PCDH17: variants seen among roughly 807,000 people sequenced by gnomAD.
PCDH17 encodes the protein protocadherin 17.
A neutral mutation model predicts 67.7 loss-of-function variants in PCDH17; 21 were observed. The ratio of observed to expected loss-of-function variants is 0.31; its 90% CI spans 0.22 to 0.45. The LOEUF (loss-of-function observed/expected upper bound fraction) is 0.45, where lower values mean the gene tolerates loss of function less well. PCDH17 is among the 20% of genes least tolerant of loss of function. The pLI, the probability that PCDH17 is intolerant of heterozygous loss-of-function variation, is 1.00. For missense variants in PCDH17, 1,471 were observed against 1,564.8 expected, an observed-to-expected ratio of 0.94 and a Z score of 1.01; for synonymous variants, 701 against 656.7, an observed-to-expected ratio of 1.07 and a Z score of -1.03.
In PCDH17 at chr13:57,633,368, C is replaced by A. The variant is rs1233223045; in HGVS notation, c.822C>A (p.Pro274=). ...ACGCCACCGACGCCGATGAAGGTCC[C>A]AATGGTGAAGTGCTCTACTCTTTCA... is the stretch of plus-strand genomic sequence containing the variant. ...DLNATDADEG[P]NGEVLYSFSS... The change falls in exon 1 of 4, where the codon CCC becomes CCA. Residue 274 remains proline (P), a synonymous_variant. Transcript: ENST00000377918. The surrounding 1 kb of genome is among the most constrained non-coding windows in gnomAD (Gnocchi z 6.2). 6.2e-7 allele frequency: 1 copy of A among 1,613,296 alleles called. No homozygotes were observed. The highest frequency in any genetic ancestry group is 1.7e-5 in the Admixed American group (1 of 60,018).
chr13:57,696,985 T>A (rs1161505121), intron 3 of PCDH17, among the ~76,000 whole-genome samples: 1 of 151,518 alleles, frequency 6.6e-6, no homozygotes, highest in Non-Finnish European at 1.5e-5. Context: ...AATTCTTAAT[T>A]TTTTTTGTAT....
chr13:57,665,173 G>GA (rs35604384), intron 1 of PCDH17, among the ~76,000 whole-genome samples: 1 of 88,434 alleles, frequency 1.1e-5, no homozygotes, highest in Non-Finnish European at 2.1e-5. Flanking sequence ...AGAAATTTGT[G>GA]GGGGGGGTTT....
chr13:57,634,227 G>A lies in PCDH17; in HGVS notation c.1681G>A (p.Ala561Thr). The change falls in exon 1 of 4, where the codon GCG becomes ACG. Residue 561 changes from alanine (A) to threonine (T), a missense_variant. Coordinates refer to ENST00000377918, the MANE Select transcript of PCDH17 (RefSeq NM_001040429.3). This position sits in a 1 kb window ranked among gnomAD's most constrained non-coding sequence, Gnocchi z 7.8. ...GCTTGCTAAGGACTCGGGGGCGCCC[G>A]CGCACTTGGAGAGCAACGCCACGGT... ...KVLAKDSGAP[A>T]HLESNATVRV... The A allele has an allele frequency of 6.2e-7, 1 of 1,613,286 alleles. No homozygotes were observed. The highest frequency in any genetic ancestry group is 1.3e-5 in the African/African-American group (1 of 75,040).
At chr13:57,706,462 CCTGGATTAGTTT>C (rs1348569424) in intron 3 of PCDH17, among the ~76,000 whole-genome samples, 1 of 152,084 alleles carries the variant, frequency 6.6e-6, no homozygotes, top group Non-Finnish European at 1.5e-5. Flanking sequence ...TTTTCAACAG[CCTGGATTAGTTT>C]CCTAGGGCTG....
chr13:57,682,939 C>T (rs1365600534), intron 3 of PCDH17, among the ~76,000 whole-genome samples: 1 of 151,754 alleles, frequency 6.6e-6, no homozygotes, highest in African/African-American at 2.4e-5. Flanking sequence ...GAATTATGTA[C>T]ACTTATCTAA....
In PCDH17 at chr13:57,632,673, C is replaced by T. The variant is rs750317334; in HGVS notation, c.127C>T (p.Arg43Ter). Reference protein sequence around the residue: ...TVIGNIGRDARLQPGLPPAER... With the variant: ...TVIGNIGRDA The stretch of plus-strand genomic sequence containing the variant: ...GATCGGGAACATCGGCAGGGATGCT[C>T]GACTGCAGCCTGGGCTTCCGCCTGC... Residue 43 changes from arginine (R) to a stop codon, truncating the protein, a stop_gained, in exon 1 of 4, where the codon CGA becomes TGA. Coordinates refer to ENST00000377918, the MANE Select transcript of PCDH17 (RefSeq NM_001040429.3). LOFTEE classifies it high-confidence loss of function. 1 of 1,611,726 alleles carries T rather than the reference C, an allele frequency of 6.2e-7. No individual in the cohort carries two copies. The highest frequency in any genetic ancestry group is 2.2e-5 in the East Asian group (1 of 44,840).
intron 3 of PCDH17, among the ~76,000 whole-genome samples, chr13:57,671,587 T>C (rs1041397669): frequency 6.6e-6 from 1 of 152,064 alleles, no homozygotes; most frequent in African/African-American, 2.4e-5. Flanking sequence ...TAACTTTTTC[T>C]TCATGAAAAG....
chr13:57,723,759 T>C (rs139873526), intron 3 of PCDH17, among the ~76,000 whole-genome samples: 1 of 152,322 alleles, frequency 6.6e-6, no homozygotes, highest in African/African-American at 2.4e-5. Context: ...AGGATTTTTT[T>C]TCATATTCCA....
Position 57,634,356 on chromosome 13 carries a change from G to C in PCDH17, c.1810G>C (p.Gly604Arg), listed in dbSNP as rs1337460009. The C allele has an allele frequency of 1.2e-6, 2 of 1,612,594 alleles. No homozygotes were observed. ...ELQVPRNAGLGYLVSTVRALD... is the reference protein window; with the variant it reads ...ELQVPRNAGLRYLVSTVRALD... ...GCAGGTGCCGCGCAACGCTGGCCTG[G>C]GCTATCTGGTGAGCACTGTGCGCGC... Residue 604 changes from glycine to arginine, a missense_variant, in exon 1 of 4, where the codon GGC becomes CGC. This residue lies in a region of PCDH17 where 1,163 missense variants were observed against 1,230.0 expected (regional missense o/e 0.95). Transcript: ENST00000377918. This position sits in a 1 kb window ranked among gnomAD's most constrained non-coding sequence, Gnocchi z 7.8.
chr13:57,632,529 C>G lies in PCDH17; in HGVS notation c.-18C>G, dbSNP rs1954739555. On this transcript the variant is annotated 5_prime_UTR_variant, in exon 1 of 4. Coordinates refer to ENST00000377918, the MANE Select transcript of PCDH17 (RefSeq NM_001040429.3). The stretch of plus-strand genomic sequence containing the variant: ...TCCTCCAGTCCGATTGCTCCTGCCC[C>G]CACCTTACAGGTCTGGGATGTACCT... 6.2e-7 allele frequency: 1 copy of G among 1,608,022 alleles called. No individual in the cohort carries two copies. Among genetic ancestry groups the G allele is most frequent in the Non-Finnish European group, 8.5e-7 (1 of 1,177,028 alleles).
chr13:57,640,491 C>G (rs1954877414), intron 1 of PCDH17, among the ~76,000 whole-genome samples: 1 of 152,028 alleles, frequency 6.6e-6, no homozygotes, highest in Non-Finnish European at 1.5e-5. Context: ...AAAAGTATTT[C>G]TTCTCTAAGG....
chr13:57,706,967 T>C (rs1955726774), intron 3 of PCDH17, among the ~76,000 whole-genome samples: 1 of 152,132 alleles, frequency 6.6e-6, no homozygotes, highest in Non-Finnish European at 1.5e-5. Context: ...ATTAATTTTC[T>C]CAATTTTCAT....
chr13:57,692,131 T>C (rs528209305), intron 3 of PCDH17, among the ~76,000 whole-genome samples: 1 of 151,364 alleles, frequency 6.6e-6, no homozygotes, highest in African/African-American at 2.4e-5. Flanking sequence ...TCATCCTCTA[T>C]TTTCTGGTAT....
chr13:57,695,242 T>C (rs1440619228), intron 3 of PCDH17, among the ~76,000 whole-genome samples: 6 of 151,262 alleles, frequency 4.0e-5, no homozygotes, highest in Non-Finnish European at 8.9e-5. Context: ...TTCAAGTATA[T>C]TGATAATTTA....
chr13:57,705,699 G>T (rs1955714806), intron 3 of PCDH17, among the ~76,000 whole-genome samples: 1 of 152,020 alleles, frequency 6.6e-6, no homozygotes, highest in Admixed American at 6.6e-5. Flanking sequence ...ACTGAAAAGA[G>T]AAGCTTCATC....
At chr13:57,631,236 C>G (rs1954715222), upstream of PCDH17, among the ~76,000 whole-genome samples, 2 of 152,024 alleles carry the variant, frequency 1.3e-5, no homozygotes, top group African/African-American at 4.8e-5. Context: ...GACTGGGAGG[C>G]AGGGCTATTG....
At chr13:57,698,258 CATAG>C (rs1367634606) in intron 3 of PCDH17, among the ~76,000 whole-genome samples, 4 of 151,244 alleles carry the variant, frequency 2.6e-5, no homozygotes, top group African/African-American at 9.7e-5. Context: ...CACACACACA[CATAG>C]AGTTTGTCTT....
At chr13:57,639,051 G>A (rs1954859468) in intron 1 of PCDH17, among the ~76,000 whole-genome samples, 1 of 151,920 alleles carries the variant, frequency 6.6e-6, no homozygotes, top group African/African-American at 2.4e-5. Flanking sequence ...TCTTTAATTA[G>A]TATATGCATT....
chr13:57,648,367 T>C (rs1209017005), intron 1 of PCDH17, among the ~76,000 whole-genome samples: 6 of 151,962 alleles, frequency 3.9e-5, no homozygotes, highest in Non-Finnish European at 7.4e-5. Context: ...TAGGTTTCAT[T>C]GCACCCATCT....
Sources: allele counts gnomAD v4.1 joint callset (sites outside exome capture counted in the v4.1 genomes callset), GRCh38; gene constraint gnomAD v4.1.1; regional missense constraint gnomAD v4.1.1; non-coding constraint Gnocchi (gnomAD v3.1); transcripts MANE v1.5; gene names NCBI Gene and HGNC (gene_info 2026-07-23, HGNC 2026-07-21).